WWTR1: variants seen among roughly 807,000 people sequenced by gnomAD.
WWTR1 encodes WW domain-containing transcription regulator protein 1.
In WWTR1, 13 loss-of-function variants were observed where a neutral mutation model predicts 40.1. That is an observed-to-expected ratio of 0.32 (90% CI 0.21 to 0.52). The LOEUF is 0.52. WWTR1 is among the 20% of genes least tolerant of loss of function. The probability of loss-of-function intolerance (pLI) is 0.97; values close to 1 mark genes in which losing one functional copy is unlikely to be tolerated. For missense variants in WWTR1, 436 were observed against 523.1 expected (o/e 0.83, Z 1.63); for synonymous variants, 230 against 210.1 (o/e 1.09, Z -0.82).
chr3:149,704,210 C>T (rs1036407362), upstream of WWTR1, among the ~76,000 whole-genome samples: 4 of 152,060 alleles, frequency 2.6e-5, no homozygotes, highest in African/African-American at 9.7e-5. Context: ...CCCCAAACCT[C>T]TATTAAATTA....
In WWTR1 at chr3:149,657,845, G is replaced by T. The variant is rs1334687176; in HGVS notation, c.-84C>A. On this transcript the variant is annotated 5_prime_UTR_variant, in exon 1 of 7. Transcript: ENST00000360632. ...CTTGCCGTCGGGCCTGGGTCGCTCG[G>T]GTGAGTCCCGAGATTGCGGAGCTGG... is the stretch of plus-strand genomic sequence containing the variant. 1 of 153,864 alleles carries T rather than the reference G, an allele frequency of 6.5e-6. No individual in the cohort carries two copies. Among genetic ancestry groups the T allele is most frequent in the Non-Finnish European group, 1.4e-5 (1 of 69,384 alleles). 9.5% of individuals were successfully genotyped at this position (153,864 alleles called of 1,614,324 possible).
chr3:149,576,986 T>G (rs1191899898), intron 2 of WWTR1, among the ~76,000 whole-genome samples: 1 of 152,140 alleles, frequency 6.6e-6, no homozygotes, highest in Non-Finnish European at 1.5e-5. Context: ...GGAGAAGCCC[T>G]GTCTCTACTA....
chr3:149,602,552 G>A (rs1739289591), intron 2 of WWTR1, among the ~76,000 whole-genome samples: 1 of 152,172 alleles, frequency 6.6e-6, no homozygotes, highest in Non-Finnish European at 1.5e-5. Context: ...TGAAACTCTA[G>A]TGTTGATCAT....
chr3:149,685,447 C>G (rs1714613760), intron 1 of WWTR1, among the ~76,000 whole-genome samples: 1 of 152,236 alleles, frequency 6.6e-6, no homozygotes, highest in African/African-American at 2.4e-5. Context: ...TCAGTCTACT[C>G]TGGCTGAGGC....
intron 3 of WWTR1, among the ~76,000 whole-genome samples, chr3:149,560,548 C>T (rs1011227): frequency 6.6e-6 from 1 of 152,042 alleles, no homozygotes; most frequent in Non-Finnish European, 1.5e-5. Context: ...GTTGATACGG[C>T]AGAAATTAAG....
At chr3:149,545,395 A>G (rs1448060297) in intron 3 of WWTR1, among the ~76,000 whole-genome samples, 3 of 152,208 alleles carry the variant, frequency 2.0e-5, no homozygotes, top group Admixed American at 1.3e-4. Context: ...ACTAGTAGTT[A>G]TATTTAATAT....
intron 2 of WWTR1, among the ~76,000 whole-genome samples, chr3:149,625,100 C>CT (rs759849000): frequency 0.077 from 7,387 of 95,712 alleles, 140 homozygotes; most frequent in Non-Finnish European, 0.11. Context: ...CAACTCTACC[C>CT]TTTTTTTTTT....
intron 5 of WWTR1, among the ~76,000 whole-genome samples, chr3:149,713,222 TAA>T (rs1391977169): frequency 1.3e-5 from 2 of 152,156 alleles, no homozygotes; most frequent in East Asian, 1.9e-4. Context: ...AAAATATAAT[TAA>T]GTTAAAATAT....
intron 2 of WWTR1, among the ~76,000 whole-genome samples, chr3:149,613,849 C>A (rs1739849329): frequency 1.3e-5 from 2 of 151,778 alleles, no homozygotes; most frequent in African/African-American, 2.4e-5. Context: ...CCCAGCTGGG[C>A]TTTTGTTATT....
intron 5 of WWTR1, among the ~76,000 whole-genome samples, chr3:149,710,173 T>A (rs1337774033): frequency 6.6e-6 from 1 of 152,178 alleles, no homozygotes; most frequent in South Asian, 2.1e-4. Flanking sequence ...TTTATTCCCA[T>A]GTTTTCAGAA....
intron 2 of WWTR1, among the ~76,000 whole-genome samples, chr3:149,610,619 A>G (rs1183186879): frequency 6.6e-6 from 1 of 152,326 alleles, no homozygotes; most frequent in East Asian, 1.9e-4. Flanking sequence ...CAGAGAAAAG[A>G]TGCCTTCTCT....
intron 2 of WWTR1, among the ~76,000 whole-genome samples, chr3:149,584,930 A>G (rs576886366): frequency 4.6e-4 from 70 of 152,308 alleles, no homozygotes; most frequent in African/African-American, 1.6e-3. Context: ...ATGACACACT[A>G]TAAATATTAG....
chr3:149,622,824 A>C (rs1262416239), intron 2 of WWTR1, among the ~76,000 whole-genome samples: 3 of 152,164 alleles, frequency 2.0e-5, no homozygotes, highest in Admixed American at 6.5e-5. Flanking sequence ...CGAGAGGCAG[A>C]GGCTGCAGTA....
At chr3:149,657,429 C>T in intron 1 of WWTR1, 120 bp from the exon 2 acceptor site, 1 of 1,204,708 alleles carries the variant, frequency 8.3e-7, no homozygotes, top group Non-Finnish European at 1.1e-6. Flanking sequence ...AACGAGGAGA[C>T]AGATAATTGC....
At chr3:149,596,322 C>G (rs1416242916) in intron 2 of WWTR1, among the ~76,000 whole-genome samples, 1 of 152,174 alleles carries the variant, frequency 6.6e-6, no homozygotes, top group African/African-American at 2.4e-5. Flanking sequence ...AACACAACAG[C>G]CTTCAGGAAT....
At chr3:149,570,010 A>G (rs1180334273) in intron 3 of WWTR1, among the ~76,000 whole-genome samples, 1 of 152,218 alleles carries the variant, frequency 6.6e-6, no homozygotes, top group Non-Finnish European at 1.5e-5. Flanking sequence ...TTAAAGATAT[A>G]TAATAAAGAC....
rs924521805 is a variant in WWTR1 at position 149,663,844 on chromosome 3, C to T, written c.-4+5944G>A. On this transcript the variant is annotated intron_variant, in intron 2 of 7. Transcript: ENST00000465804. Reference sequence around the variant, plus strand: ...TTAGATAATTTCTCACCATTCACTACGATTTCAGCTACTTCTGGACTCAAC... The same window carrying T: ...TTAGATAATTTCTCACCATTCACTATGATTTCAGCTACTTCTGGACTCAAC... Among the ~76,000 whole-genome samples the T allele has an allele frequency of 5.3e-5, 8 of 152,210 alleles. No homozygotes were observed. In the East Asian group the frequency reaches 1.5e-3, roughly 29 times the overall value.
rs902831109 is a variant in WWTR1, at chr3:149,701,136, CT to C, written c.-108+1987del. Among the ~76,000 whole-genome samples, 16 of 151,478 alleles carry C rather than the reference CT, an allele frequency of 1.1e-4. No individual in the cohort carries two copies. In the East Asian group the frequency reaches 1.2e-3, roughly 11 times the overall value. On this transcript the variant is annotated intron_variant, in intron 1 of 7. Transcript: ENST00000465804. Reference sequence around the variant, plus strand: ...CCCTGTCCTGATTTTAAAAGCCTTTCTTTTTTTTTCTTTTCTTTTTTTAGGC... The same window carrying C: ...CCCTGTCCTGATTTTAAAAGCCTTTCTTTTTTTTCTTTTCTTTTTTTAGGC...
intron 3 of WWTR1, among the ~76,000 whole-genome samples, chr3:149,568,523 CAAAAAAAAAAAAAAAAAAAAAA>C (rs34414853): frequency 1.4e-4 from 9 of 64,804 alleles, no homozygotes; most frequent in South Asian, 7.2e-4. Flanking sequence ...AATTAAAGTG[CAAAAAAAAAAAAAAAAAAAAAA>C]AAAAAAAAAA....
Sources: gnomAD v4.1 joint callset for allele counts (sites outside exome capture counted in the v4.1 genomes callset) on GRCh38, gnomAD v4.1.1 for gene constraint, MANE v1.5 for transcripts, NCBI Gene and HGNC (gene_info 2026-07-23, HGNC 2026-07-21) for gene names.